Variants in DIP2C observed in about 807,000 individuals in gnomAD.
The protein encoded by DIP2C is disco-interacting protein 2 homolog C.
In DIP2C, 33 loss-of-function variants were observed where a neutral mutation model predicts 192.4. That is an observed-to-expected ratio of 0.17 (90% CI 0.13 to 0.23). The LOEUF is 0.23. DIP2C is among the 10% of genes least tolerant of loss of function. The pLI, the probability that DIP2C is intolerant of heterozygous loss-of-function variation, is 1.00. For missense variants in DIP2C, 1,537 were observed against 2,110.1 expected, an observed-to-expected ratio of 0.73 and a Z score of 5.32; for synonymous variants, 979 against 864.1, an observed-to-expected ratio of 1.13 and a Z score of -2.33.
intron 17 of DIP2C, among the ~76,000 whole-genome samples, chr10:378,861 A>G (rs1006405909): frequency 1.3e-5 from 2 of 149,964 alleles, no homozygotes; most frequent in African/African-American, 2.5e-5. Flanking sequence ...ACACATGTGA[A>G]CAGACATGCC....
At chr10:373,679 CT>C (rs1961248595) in intron 17 of DIP2C, among the ~76,000 whole-genome samples, 1 of 152,156 alleles carries the variant, frequency 6.6e-6, no homozygotes, top group African/African-American at 2.4e-5. Context: ...GAATCCAGGG[CT>C]TGTGGCTCTG....
intron 17 of DIP2C, among the ~76,000 whole-genome samples, chr10:378,850 G>C (rs1962008939): frequency 2.6e-5 from 4 of 151,524 alleles, no homozygotes; most frequent in Admixed American, 2.0e-4. Context: ...GACATGCATA[G>C]ACACATGTGA....
intron 16 of DIP2C, among the ~76,000 whole-genome samples, chr10:383,069 C>A (rs978158223): frequency 6.6e-6 from 1 of 152,156 alleles, no homozygotes; most frequent in African/African-American, 2.4e-5. Flanking sequence ...AGGGGTAAAT[C>A]TAAACCAAAT....
chr10:591,550 G>C (rs1851404177), intron 1 of DIP2C, among the ~76,000 whole-genome samples: 1 of 152,150 alleles, frequency 6.6e-6, no homozygotes, highest in Admixed American at 6.5e-5. Flanking sequence ...AAAACATCAT[G>C]TTTAAAAACC....
At chr10:494,178 G>A (rs1178713654) in intron 1 of DIP2C, among the ~76,000 whole-genome samples, 1 of 152,168 alleles carries the variant, frequency 6.6e-6, no homozygotes, top group Non-Finnish European at 1.5e-5. Flanking sequence ...GGAGAAACAA[G>A]AGAACTGCTA....
chr10:454,672 G>C (rs1227523340), intron 3 of DIP2C, among the ~76,000 whole-genome samples: 1 of 150,752 alleles, frequency 6.6e-6, no homozygotes, highest in Non-Finnish European at 1.5e-5. Flanking sequence ...ATCTATGCTT[G>C]ATGTCATTAT....
At chr10:289,713 G>C (rs74846401) in intron 32 of DIP2C, among the ~76,000 whole-genome samples, 2 of 152,084 alleles carry the variant, frequency 1.3e-5, no homozygotes, top group Admixed American at 6.5e-5. Context: ...AGTGTCTCCG[G>C]GCCCTGAGGG....
At chr10:618,459 A>G (rs1009235967) in intron 1 of DIP2C, among the ~76,000 whole-genome samples, 5 of 152,208 alleles carry the variant, frequency 3.3e-5, no homozygotes, top group Admixed American at 3.3e-4. Context: ...TCTCAAATGC[A>G]CAGCTGTCGC....
chr10:375,270 CTCTCTCTCTCTT>C (rs1368083854), intron 17 of DIP2C, among the ~76,000 whole-genome samples: 1 of 151,384 alleles, frequency 6.6e-6, no homozygotes, highest in African/African-American at 2.4e-5. Flanking sequence ...GGCACCTCCT[CTCTCTCTCTCTT>C]GCTCGCTCAA....
chr10:472,595 C>T (rs750384040), intron 2 of DIP2C, 46 bp from the exon 3 acceptor site: 3 of 1,507,542 alleles, frequency 2.0e-6, no homozygotes, highest in Non-Finnish European at 2.7e-6. Context: ...CTGTACTCAG[C>T]GGAGTCAGCA....
chr10:541,970 C>T (rs868426375), intron 1 of DIP2C, among the ~76,000 whole-genome samples: 14 of 152,318 alleles, frequency 9.2e-5, no homozygotes, highest in African/African-American at 2.9e-4. Context: ...GCCTCTGGGC[C>T]GCGTGCCAGG....
chr10:569,129 A>G (rs1354442302), intron 1 of DIP2C, among the ~76,000 whole-genome samples: 1 of 152,220 alleles, frequency 6.6e-6, no homozygotes, highest in African/African-American at 2.4e-5. Flanking sequence ...CCAGGGAACC[A>G]GAAGTGATTT....
intron 13 of DIP2C, among the ~76,000 whole-genome samples, chr10:389,371 C>CAGTTCCCTCCACTCA (rs376199860): frequency 5.3e-5 from 8 of 152,262 alleles, no homozygotes; most frequent in Middle Eastern, 3.4e-3. Context: ...GTGGTTGCCA[C>CAGTTCCCTCCACTCA]AGTTCCCTCC....
chr10:448,355 GACCC>G (rs1168153782), intron 3 of DIP2C, among the ~76,000 whole-genome samples: 1 of 138,270 alleles, frequency 7.2e-6, no homozygotes, highest in African/African-American at 3.3e-5. Context: ...GGGGCAGCAG[GACCC>G]ACTCACTCCC....
rs373824899 is a variant in DIP2C at position 596,620 on chromosome 10, G to A, written c.85+92874C>T. Among the ~76,000 whole-genome samples the A allele has an allele frequency of 7.4e-4, 112 of 151,852 alleles. 1 individual carries two copies. In the South Asian group the frequency reaches 0.022, roughly 29 times the overall value. ...CATGAGATACATCACAGGAGACGTA[G>A]GTGAATAGGACACAGTTCCTCCCTG... On this transcript the variant is annotated intron_variant, in intron 1 of 36. Transcript: ENST00000280886.
At chr10:616,268 G>T (rs1219194759) in intron 1 of DIP2C, among the ~76,000 whole-genome samples, 1 of 152,166 alleles carries the variant, frequency 6.6e-6, no homozygotes, top group East Asian at 1.9e-4. Flanking sequence ...AATTTAGGTG[G>T]CAGTAATAGC....
chr10:537,898 T>TCC (rs1368644643), intron 1 of DIP2C, among the ~76,000 whole-genome samples: 1 of 151,762 alleles, frequency 6.6e-6, no homozygotes, highest in Non-Finnish European at 1.5e-5. Flanking sequence ...CAGGCGATTC[T>TCC]CCTGCCTCAG....
chr10:305,296 C>T (rs532420946), intron 32 of DIP2C, among the ~76,000 whole-genome samples: 1 of 152,316 alleles, frequency 6.6e-6, no homozygotes, highest in Non-Finnish European at 1.5e-5. Context: ...ACTTGCAAAA[C>T]ACACATGCAT....
At position 276,639 on chromosome 10, in the gene DIP2C, TTTTAG is replaced by T. The variant is rs1394150123; in HGVS notation, c.*681_*685del. On this transcript the variant is annotated 3_prime_UTR_variant, in exon 37 of 37. Coordinates refer to ENST00000280886, the MANE Select transcript of DIP2C (RefSeq NM_014974.3). ...TTGAGGAAGTTAACTTATTTTATCT[TTTTAG>T]TTTAGTACAAAGATATTTGCAAGAT... 2 of 152,808 alleles carry T rather than the reference TTTTAG, an allele frequency of 1.3e-5. No individual in the cohort carries two copies. The highest frequency in any genetic ancestry group is 2.4e-5 in the African/African-American group (1 of 41,588). The allele number at this position is 152,808 out of a possible 1,614,324, so 9.5% of individuals were successfully genotyped here.
Sources: gnomAD v4.1 joint callset for allele counts (sites outside exome capture counted in the v4.1 genomes callset) on GRCh38, gnomAD v4.1.1 for gene constraint, MANE v1.5 for transcripts, NCBI Gene and HGNC (gene_info 2026-07-23, HGNC 2026-07-21) for gene names.